QRICH1: variants seen among roughly 807,000 people sequenced by gnomAD.
The protein encoded by QRICH1 is transcriptional regulator QRICH1.
In QRICH1, 16 loss-of-function variants were observed where a neutral mutation model predicts 87.1. The ratio of observed to expected loss-of-function variants is 0.18; its 90% CI spans 0.12 to 0.28. QRICH1 has a LOEUF of 0.28. QRICH1 is among the 10% of genes least tolerant of loss of function. The pLI is 1.00. For missense variants in QRICH1, 647 were observed against 951.7 expected (o/e 0.68, Z 4.21); for synonymous variants, 367 against 368.4 (o/e 1.00, Z 0.05).
intron 2 of QRICH1, among the ~76,000 whole-genome samples, chr3:49,070,411 A>AT (rs1165930498): frequency 5.3e-5 from 8 of 151,634 alleles, no homozygotes; most frequent in Non-Finnish European, 8.8e-5. Flanking sequence ...AATGGTATTC[A>AT]TTTTTTCCAA....
chr3:49,050,510 C>A (rs1485352279), intron 3 of QRICH1, among the ~76,000 whole-genome samples: 2 of 151,530 alleles, frequency 1.3e-5, no homozygotes, highest in Non-Finnish European at 2.9e-5. Context: ...TCACCCAAAG[C>A]CCTAGTTTCG....
Position 49,057,583 on chromosome 3 carries a change from G to A in QRICH1, c.617C>T (p.Ala206Val), listed in dbSNP as rs1481853866. The A allele has an allele frequency of 3.7e-6, 6 of 1,613,752 alleles. No individual in the cohort carries two copies. Among genetic ancestry groups the A allele is most frequent in the South Asian group, 1.1e-5 (1 of 91,054 alleles). ...QAQLVAGQSLAGGQQIQIQTV... is the reference protein window; with the variant it reads ...QAQLVAGQSLVGGQQIQIQTV... ...CTGGATTTGGATCTGCTGACCACCA[G>A]CAAGAGACTGGCCAGCCACCAGCTG... The change falls in exon 3 of 10, where the codon GCT becomes GTT. Residue 206 changes from alanine (A) to valine (V), a missense_variant. Physicochemically the swap from Ala to Val is moderately conservative, Grantham distance 64 (BLOSUM62 0). Transcript: ENST00000395443. This position sits in a 1 kb window ranked among gnomAD's most constrained non-coding sequence, Gnocchi z 5.4.
Position 49,057,891 on chromosome 3 carries a change from C to T in QRICH1, c.310-1G>A, listed in dbSNP as rs1299571175. 6.2e-7 allele frequency: 1 copy of T among 1,613,998 alleles called. No individual in the cohort carries two copies. The highest frequency in any genetic ancestry group is 1.3e-5 in the African/African-American group (1 of 74,974). On this transcript the variant is annotated splice_acceptor_variant, in intron 2 of 9. Coordinates refer to ENST00000395443, the MANE Select transcript of QRICH1 (RefSeq NM_198880.3). LOFTEE classifies it high-confidence loss of function. The surrounding 1 kb of genome is among the most constrained non-coding windows in gnomAD (Gnocchi z 5.4). ...GAGACTGCTGTACCTGCACCTGGACCTGTAAGCAACAAGATTCATCAGTGA... is the reference window on the plus strand; with the variant it reads ...GAGACTGCTGTACCTGCACCTGGACTTGTAAGCAACAAGATTCATCAGTGA...
chr3:49,050,455 T>G (rs1451990138), intron 3 of QRICH1, among the ~76,000 whole-genome samples: 2 of 149,184 alleles, frequency 1.3e-5, no homozygotes, highest in African/African-American at 4.9e-5. Context: ...AAGAATGTGC[T>G]TGGATTCTCA....
chr3:49,038,093 G>A (rs1456217594), intron 6 of QRICH1, among the ~76,000 whole-genome samples: 3 of 150,112 alleles, frequency 2.0e-5, no homozygotes, highest in Non-Finnish European at 3.0e-5. Flanking sequence ...ACAGAGTCTC[G>A]GTCTGTTGCC....
intron 6 of QRICH1, among the ~76,000 whole-genome samples, chr3:49,039,525 G>A (rs2093296953): frequency 6.7e-6 from 1 of 148,282 alleles, no homozygotes; most frequent in Admixed American, 6.8e-5. Context: ...CTCGGAGGCT[G>A]AGGCACAATA....
chr3:49,042,150 T>C (rs1260295209), intron 6 of QRICH1, among the ~76,000 whole-genome samples: 8 of 146,272 alleles, frequency 5.5e-5, no homozygotes. Context: ...CAGGCTGGAG[T>C]GCAGTGGCAC....
At chr3:49,042,931 T>C (rs1272565647) in intron 6 of QRICH1, among the ~76,000 whole-genome samples, 2 of 152,104 alleles carry the variant, frequency 1.3e-5, no homozygotes, top group African/African-American at 2.4e-5. Flanking sequence ...TGGTGACACA[T>C]GTCATCATAC....
At position 49,088,205 on chromosome 3, in the gene QRICH1, G is replaced by A. The variant is rs547317397; in HGVS notation, c.-22+5707C>T. ...CCTGACCTCATGATCTGCCCGCCTCGGCCTCCCAAAGTGGTGGGATTACAG... is the reference window on the plus strand; with the variant it reads ...CCTGACCTCATGATCTGCCCGCCTCAGCCTCCCAAAGTGGTGGGATTACAG... On this transcript the variant is annotated intron_variant, in intron 1 of 9. Transcript: ENST00000395443. Among the ~76,000 whole-genome samples the A allele has an allele frequency of 1.2e-3, 189 of 152,084 alleles. 1 individual carries two copies. The highest frequency in any genetic ancestry group is 3.3e-3 in the South Asian group (16 of 4,816).
At chr3:49,046,220 C>T (rs1425971584) in intron 5 of QRICH1, among the ~76,000 whole-genome samples, 6 of 150,520 alleles carry the variant, frequency 4.0e-5, no homozygotes, top group South Asian at 2.1e-4. Flanking sequence ...CGCCCGGCCC[C>T]GGCTGTTATT....
chr3:49,042,992 TACAAC>T (rs2093319179), intron 6 of QRICH1, among the ~76,000 whole-genome samples: 1 of 152,168 alleles, frequency 6.6e-6, no homozygotes, highest in Non-Finnish European at 1.5e-5. Context: ...AACCAGAACG[TACAAC>T]ACAATAATAT....
At chr3:49,052,642 C>T (rs886217100) in intron 3 of QRICH1, among the ~76,000 whole-genome samples, 5 of 152,128 alleles carry the variant, frequency 3.3e-5, no homozygotes, top group African/African-American at 1.2e-4. Flanking sequence ...GTAGCTGGCG[C>T]CCACCACCAT....
intron 6 of QRICH1, among the ~76,000 whole-genome samples, chr3:49,038,883 C>T (rs545979659): frequency 6.6e-6 from 1 of 151,658 alleles, no homozygotes; most frequent in Admixed American, 6.6e-5. Flanking sequence ...AAAAATTATC[C>T]GGGTGTGGCA....
At position 49,076,785 on chromosome 3, in the gene QRICH1, C is replaced by G; in HGVS notation, c.233G>C (p.Cys78Ser). The part of the protein sequence containing the change: ...EVAGSLLELA[C>S]PVTTSVQPQT... ...TGGCTGAACACTGGTGGTGACTGGA[C>G]AGGCAAGTTCAAGCAAAGACCCAGC... Residue 78 changes from cysteine (C) to serine (S), a missense_variant, in exon 2 of 10, where the codon TGT (cysteine) becomes TCT (serine). Transcript: ENST00000395443. 1 of 1,611,572 alleles carries G rather than the reference C, an allele frequency of 6.2e-7. No homozygotes were observed. The highest frequency in any genetic ancestry group is 8.5e-7 in the Non-Finnish European group (1 of 1,178,562).
intron 1 of QRICH1, among the ~76,000 whole-genome samples, chr3:49,091,399 T>C (rs985506931): frequency 2.0e-5 from 3 of 151,272 alleles, no homozygotes; most frequent in African/African-American, 7.3e-5. Flanking sequence ...AAAGAAAGCA[T>C]ATCCAAAAAA....
At chr3:49,035,901 C>T (rs1435737172) in intron 6 of QRICH1, among the ~76,000 whole-genome samples, 1 of 128,290 alleles carries the variant, frequency 7.8e-6, no homozygotes, top group Non-Finnish European at 1.6e-5. Context: ...ATGGCAAAAC[C>T]CCATTTCTAC....
At chr3:49,065,072 T>A (rs2093459572) in intron 2 of QRICH1, among the ~76,000 whole-genome samples, 1 of 151,748 alleles carries the variant, frequency 6.6e-6, no homozygotes, top group Non-Finnish European at 1.5e-5. Context: ...CATATTCTCA[T>A]GAAAAATAAC....
intron 1 of QRICH1, among the ~76,000 whole-genome samples, chr3:49,086,402 A>G (rs939962848): frequency 2.0e-5 from 3 of 151,642 alleles, no homozygotes; most frequent in African/African-American, 7.3e-5. Flanking sequence ...GACTACAGGC[A>G]CCCACCACCA....
intron 2 of QRICH1, among the ~76,000 whole-genome samples, chr3:49,068,190 C>T (rs2093479021): frequency 6.6e-6 from 1 of 151,874 alleles, no homozygotes; most frequent in Non-Finnish European, 1.5e-5. Context: ...ACCCCTCTCT[C>T]CACAAAAAGT....
Sources: allele counts gnomAD v4.1 joint callset (sites outside exome capture counted in the v4.1 genomes callset), GRCh38; gene constraint gnomAD v4.1.1; non-coding constraint Gnocchi (gnomAD v3.1); transcripts MANE v1.5; gene names NCBI Gene and HGNC (gene_info 2026-07-23, HGNC 2026-07-21).